FBRSL1: variants seen among roughly 807,000 people sequenced by gnomAD.
The protein encoded by FBRSL1 is fibrosin like 1.
A neutral mutation model predicts 89.6 loss-of-function variants in FBRSL1; 51 were observed. The observed-to-expected ratio is 0.57, with a 90% CI of 0.45 to 0.72. The LOEUF (loss-of-function observed/expected upper bound fraction) is 0.72, where lower values mean the gene tolerates loss of function less well. FBRSL1 is among the 30% of genes least tolerant of loss of function. The probability of loss-of-function intolerance (pLI) is 0.00; values close to 1 mark genes in which losing one functional copy is unlikely to be tolerated. For missense variants in FBRSL1, 1,618 were observed against 1,451.8 expected (o/e 1.11, Z -1.86); for synonymous variants, 779 against 681.1 (o/e 1.14, Z -2.24).
At chr12:132,505,588 C>G (rs1165093196) in intron 1 of FBRSL1, among the ~76,000 whole-genome samples, 1 of 152,232 alleles carries the variant, frequency 6.6e-6, no homozygotes, top group Non-Finnish European at 1.5e-5. Context: ...AGCTGCACCA[C>G]CAACCCCTCA....
chr12:132,555,322 C>T (rs11146927), intron 5 of FBRSL1, among the ~76,000 whole-genome samples: 4,222 of 117,408 alleles, frequency 0.036, 96 homozygotes, highest in East Asian at 0.11. Flanking sequence ...GTGGCCTCCA[C>T]GGTAGCCGCC....
At chr12:132,490,924 CG>C (rs2030783314) in intron 1 of FBRSL1, 63 bp downstream of exon 1, 1 of 1,108,706 alleles carries the variant, frequency 9.0e-7, no homozygotes. Context: ...GTTGACGCGT[CG>C]GGCGATCCCG....
Position 132,490,450 on chromosome 12 carries a change from G to T in FBRSL1, c.-121G>T. ...CCGGCCCGCCGCCCGCCGCCGCCCA[G>T]GGCCCGAGCCCGCGCGGCGCACACT... On this transcript the variant is annotated 5_prime_UTR_variant, in exon 1 of 19. In the 5' UTR this introduces an upstream ATG that the reference lacks. Transcript: ENST00000680143. The T allele has an allele frequency of 1.4e-6, 1 of 706,602 alleles. No homozygotes were observed. The highest frequency in any genetic ancestry group is 1.7e-6 in the Non-Finnish European group (1 of 581,970). The allele number at this position is 706,602 out of a possible 1,614,324, so 43.8% of individuals were successfully genotyped here. A position where few individuals can be genotyped will look rare whatever the true frequency, so the allele number is the denominator to read the frequency against.
intron 2 of FBRSL1, among the ~76,000 whole-genome samples, chr12:132,515,299 T>C (rs1414108203): frequency 6.6e-6 from 1 of 152,134 alleles, no homozygotes; most frequent in Non-Finnish European, 1.5e-5. Context: ...GGCTAGAAGT[T>C]GACAGTCATT....
chr12:132,572,522 T>G lies in FBRSL1; in HGVS notation c.1435-5T>G. 6.5e-7 allele frequency: 1 copy of G among 1,549,908 alleles called. No individual in the cohort carries two copies. The highest frequency in any genetic ancestry group is 8.7e-7 in the Non-Finnish European group (1 of 1,145,454). On this transcript the variant is annotated splice_region_variant and splice_polypyrimidine_tract_variant and intron_variant, in intron 10 of 18. Transcript: ENST00000680143. ...CCCCCTCCATCCGCTCTCCTTCTCT[T>G]ACAGTTCTTCCCGTCCTTCCCTCCT...
chr12:132,512,036 C>T (rs1332213586), intron 2 of FBRSL1: 8 of 984,376 alleles, frequency 8.1e-6, no homozygotes, highest in African/African-American at 5.2e-5. Flanking sequence ...GGGCTTGGCT[C>T]GGGATTCATT....
At chr12:132,515,053 CAAT>C (rs1360596512) in intron 2 of FBRSL1, among the ~76,000 whole-genome samples, 3 of 152,106 alleles carry the variant, frequency 2.0e-5, no homozygotes, top group Admixed American at 1.3e-4. Flanking sequence ...GGGTCCAGAA[CAAT>C]ATACCCTCTG....
chr12:132,578,102 G>C (rs1313456312), intron 15 of FBRSL1, among the ~76,000 whole-genome samples: 3 of 152,234 alleles, frequency 2.0e-5, no homozygotes, highest in African/African-American at 7.2e-5. Flanking sequence ...AGCATAAACA[G>C]TTGCTGAACA....
intron 5 of FBRSL1, among the ~76,000 whole-genome samples, chr12:132,550,355 T>TC (rs1388114076): frequency 5.3e-5 from 8 of 151,782 alleles, no homozygotes; most frequent in Non-Finnish European, 5.9e-5. Context: ...AAACACTGAG[T>TC]CCCCGTGATG....
At chr12:132,571,311 C>G (rs914136236) in intron 9 of FBRSL1, 80 bp downstream of exon 9, 2 of 1,536,174 alleles carry the variant, frequency 1.3e-6, no homozygotes, top group South Asian at 1.2e-5. Flanking sequence ...TTGTAGATCA[C>G]GAGCTGCTCA....
chr12:132,519,532 GGCT>G (rs561639039), intron 2 of FBRSL1, among the ~76,000 whole-genome samples: 549 of 152,306 alleles, frequency 3.6e-3, no homozygotes, highest in Middle Eastern at 0.027. Flanking sequence ...CATACAGCTG[GGCT>G]GCAGTGCCAC....
Position 132,572,338 on chromosome 12 carries a change from C to T in FBRSL1, c.1428C>T (p.Ser476=), listed in dbSNP as rs374781083. The T allele has an allele frequency of 9.3e-5, 145 of 1,551,094 alleles. No homozygotes were observed. Among genetic ancestry groups the T allele is most frequent in the East Asian group, 7.3e-4 (30 of 40,900 alleles). ...ACAGCCCCTACTTCCGACATTCCAG[C>T]GTGAGTGTGAGTGTCCCCGAGGGGC... ...KLDSPYFRHS[S]VSFFPSFPPA... is the part of the protein sequence containing the mutation. Residue 476 remains serine (S), a synonymous_variant, in exon 10 of 19, where the codon AGC becomes AGT. Transcript: ENST00000680143.
chr12:132,500,114 C>T (rs1166068645), intron 1 of FBRSL1, among the ~76,000 whole-genome samples: 3 of 152,174 alleles, frequency 2.0e-5, no homozygotes, highest in African/African-American at 7.2e-5. Flanking sequence ...CGGCACTGCC[C>T]TCTAGACTCT....
At chr12:132,571,593 C>G in intron 9 of FBRSL1, 1 of 1,091,210 alleles carries the variant, frequency 9.2e-7, no homozygotes, top group South Asian at 2.3e-5. Flanking sequence ...CAGGCACACA[C>G]AGACACACGC....
intron 5 of FBRSL1, among the ~76,000 whole-genome samples, chr12:132,555,411 CCG>C (rs2038539759): frequency 6.8e-6 from 1 of 146,302 alleles, no homozygotes; most frequent in Admixed American, 6.7e-5. Flanking sequence ...GCCGCCCCAC[CCG>C]AGCGTGAGCA....
chr12:132,572,713 A>G, intron 11 of FBRSL1, 91 bp downstream of exon 11: 2 of 906,274 alleles, frequency 2.2e-6, no homozygotes, highest in Non-Finnish European at 3.5e-6. Context: ...CTCTGCCCAC[A>G]ACCACCCCCC....
chr12:132,580,826 G>A (rs539723152), intron 15 of FBRSL1: 36 of 985,440 alleles, frequency 3.7e-5, no homozygotes, highest in South Asian at 1.9e-4. Flanking sequence ...TGTGGAGGAC[G>A]GCCCCTGACC....
intron 3 of FBRSL1, 94 bp downstream of exon 3, chr12:132,525,917 C>T (rs2035754947): frequency 9.5e-7 from 1 of 1,056,062 alleles, no homozygotes; most frequent in Admixed American, 2.2e-5. Flanking sequence ...GTCTGGGCCG[C>T]CTGCCCACTG....
chr12:132,572,795 G>A (rs3751310), intron 11 of FBRSL1, among the ~76,000 whole-genome samples, 173 bp downstream of exon 11: 34,973 of 152,198 alleles, frequency 0.23, 4,788 homozygotes, highest in South Asian at 0.32. Context: ...GGGGCCCTGC[G>A]GTCTGTGTGT....
Sources: allele counts gnomAD v4.1 joint callset (sites outside exome capture counted in the v4.1 genomes callset), GRCh38; gene constraint gnomAD v4.1.1; transcripts MANE v1.5; gene names NCBI Gene and HGNC (gene_info 2026-07-23, HGNC 2026-07-21).